Variants in CDK13 observed in about 807,000 individuals in gnomAD.
CDK13 encodes cyclin dependent kinase 13.
CDK13 carries 40 observed loss-of-function variants against 137.6 expected under a neutral mutation model. The observed-to-expected ratio is 0.29, with a 90% CI of 0.23 to 0.38. The LOEUF is 0.38. Among genes scored for constraint, CDK13 ranks in the 10% least tolerant of loss-of-function variants. The pLI is 1.00. For missense variants in CDK13, 1,704 were observed against 1,951.8 expected (o/e 0.87, Z 2.39); for synonymous variants, 869 against 760.1 (o/e 1.14, Z -2.36).
chr7:40,084,993 C>A (rs1010301404), intron 11 of CDK13, among the ~76,000 whole-genome samples: 2 of 152,172 alleles, frequency 1.3e-5, no homozygotes, highest in Non-Finnish European at 2.9e-5. Context: ...GTAACCTGTA[C>A]TATTTTAGCT....
chr7:40,006,781 C>G (rs986827038), intron 5 of CDK13, among the ~76,000 whole-genome samples: 2 of 152,114 alleles, frequency 1.3e-5, no homozygotes, highest in African/African-American at 4.8e-5. Flanking sequence ...GACTGTGTCT[C>G]AAATTATCTT....
chr7:40,017,673 T>C (rs577764412), intron 5 of CDK13, among the ~76,000 whole-genome samples: 8 of 152,068 alleles, frequency 5.3e-5, no homozygotes, highest in Non-Finnish European at 1.2e-4. Context: ...TTTATATTGC[T>C]TGCCCTTTGT....
At chr7:39,970,419 A>C (rs986717005) in intron 1 of CDK13, among the ~76,000 whole-genome samples, 5 of 151,994 alleles carry the variant, frequency 3.3e-5, no homozygotes, top group Non-Finnish European at 7.4e-5. Context: ...TGTTAACATT[A>C]TGATAGCATA....
At chr7:40,049,549 T>C (rs1242944409) in intron 7 of CDK13, among the ~76,000 whole-genome samples, 3 of 152,204 alleles carry the variant, frequency 2.0e-5, no homozygotes, top group African/African-American at 7.2e-5. Context: ...GTGAAATGGC[T>C]ACATTGAGCT....
chr7:39,965,608 C>T (rs1019885476), intron 1 of CDK13, among the ~76,000 whole-genome samples: 1 of 152,086 alleles, frequency 6.6e-6, no homozygotes, highest in Non-Finnish European at 1.5e-5. Context: ...GAGCATTTAG[C>T]CCATTTACAT....
In CDK13 at chr7:39,950,561, C is replaced by T; in HGVS notation, c.-81C>T. On this transcript the variant is annotated 5_prime_UTR_variant, in exon 1 of 14. Coordinates refer to ENST00000181839, the MANE Select transcript of CDK13 (RefSeq NM_003718.5). ...CTCGGTGTCCCTCCGCCGCCGCTCC[C>T]GTTTCCGGCGGGGGAGATGGCCAGG... 7.9e-7 allele frequency: 1 copy of T among 1,273,130 alleles called. No individual in the cohort carries two copies. Among genetic ancestry groups the T allele is most frequent in the Admixed American group, 4.2e-5 (1 of 23,812 alleles). 78.9% of individuals were successfully genotyped at this position (1,273,130 alleles called of 1,614,324 possible). A position where few individuals can be genotyped will look rare whatever the true frequency, so the allele number is the denominator to read the frequency against.
Position 40,096,325 on chromosome 7 carries a change from A to G in CDK13, c.*1345A>G, listed in dbSNP as rs756510390. The G allele has an allele frequency of 3.3e-5, 5 of 152,192 alleles. No individual in the cohort carries two copies. The highest frequency in any genetic ancestry group is 7.3e-5 in the Non-Finnish European group (5 of 68,040). 9.4% of individuals were successfully genotyped at this position (152,192 alleles called of 1,614,324 possible). On this transcript the variant is annotated 3_prime_UTR_variant, in exon 14 of 14. Coordinates refer to ENST00000181839, the MANE Select transcript of CDK13 (RefSeq NM_003718.5). ...TTATGACTTCTGCCAGACTTAGAGC[A>G]ACAACTTTAGTTCATTTTAACATTT...
rs924125177 is a variant in CDK13 at position 39,951,365 on chromosome 7, C to G, written c.724C>G (p.Arg242Gly). The change falls in exon 1 of 14, where the codon CGG becomes GGG. Residue 242 changes from arginine (R) to glycine (G), a missense_variant. This residue lies in a region of CDK13 where 1,051 missense variants were observed against 931.0 expected (regional missense o/e 1.13). Transcript: ENST00000181839. The stretch of plus-strand genomic sequence containing the variant: ...CCGCCACAGCCACAGCGGCGAGGAA[C>G]GGGCCGAGGTCGCCAAGAGCGGCAG... ...RSRHSHSGEERAEVAKSGSSS... is the reference protein window; with the variant it reads ...RSRHSHSGEEGAEVAKSGSSS... 1.6e-5 allele frequency: 24 copies of G among 1,503,062 alleles called. No homozygotes were observed. Among genetic ancestry groups the G allele is most frequent in the African/African-American group, 1.4e-5 (1 of 69,294 alleles). 93.1% of individuals were successfully genotyped at this position (1,503,062 alleles called of 1,614,324 possible). A position where few individuals can be genotyped will look rare whatever the true frequency, so the allele number is the denominator to read the frequency against.
chr7:40,087,546 GTTTTTT>G (rs35686770), intron 11 of CDK13, among the ~76,000 whole-genome samples: 1 of 112,050 alleles, frequency 8.9e-6, no homozygotes, highest in Non-Finnish European at 1.8e-5. Context: ...CAATAGTGGT[GTTTTTT>G]TTTTTTTTTT....
chr7:39,981,442 TA>T (rs1397710251), intron 1 of CDK13, among the ~76,000 whole-genome samples: 4 of 152,130 alleles, frequency 2.6e-5, no homozygotes, highest in Admixed American at 1.3e-4. Flanking sequence ...GTTCTTTTAG[TA>T]AAACATTATC....
Position 39,988,141 on chromosome 7 carries a change from A to G in CDK13, c.1754A>G (p.Lys585Arg). 1.9e-6 allele frequency: 3 copies of G among 1,614,080 alleles called. No individual in the cohort carries two copies. The highest frequency in any genetic ancestry group is 2.5e-6 in the Non-Finnish European group (3 of 1,180,012). Residue 585 changes from lysine to arginine, a missense_variant, in exon 2 of 14, where the codon AAA (lysine) becomes AGA (arginine). Lys to Arg is a conservative substitution (Grantham distance 26). Around this residue, in one of 5 missense-constraint regions of CDK13, gnomAD observed 1,051 missense variants for 931.0 expected, o/e 1.13. Transcript: ENST00000181839. ...TCAGTATCTCTTAAAGAGAAAACCA[A>G]ACCACTTACACCAAGCATAGGAGCC... ...EESVSLKEKT[K>R]PLTPSIGAKE...
intron 7 of CDK13, among the ~76,000 whole-genome samples, chr7:40,057,236 CAA>C (rs540196244): frequency 6.6e-6 from 1 of 152,064 alleles, no homozygotes; most frequent in Non-Finnish European, 1.5e-5. Flanking sequence ...GCCTAGGTGA[CAA>C]GAGCAAAACT....
intron 5 of CDK13, among the ~76,000 whole-genome samples, chr7:40,038,922 C>T (rs1428008875): frequency 6.6e-6 from 1 of 152,070 alleles, no homozygotes; most frequent in Non-Finnish European, 1.5e-5. Flanking sequence ...CTCGATCGCC[C>T]GACCTCAGGT....
At chr7:39,999,631 GTTTTTTT>G (rs1784641927) in intron 4 of CDK13, 131 bp downstream of exon 4, 1 of 901,102 alleles carries the variant, frequency 1.1e-6, no homozygotes, top group Non-Finnish European at 1.7e-6. Flanking sequence ...GTTTCATCTT[GTTTTTTT>G]ATTCTATATA....
At chr7:39,964,567 A>G (rs1448903231) in intron 1 of CDK13, among the ~76,000 whole-genome samples, 5 of 149,422 alleles carry the variant, frequency 3.3e-5, no homozygotes, top group African/African-American at 1.2e-4. Context: ...TTTTAAAAAA[A>G]CCAGCTCCTG....
chr7:39,958,105 T>C (rs1787477990), intron 1 of CDK13, among the ~76,000 whole-genome samples: 1 of 152,156 alleles, frequency 6.6e-6, no homozygotes, highest in African/African-American at 2.4e-5. Flanking sequence ...TTTTTATGTA[T>C]TTGGAAAGTA....
At chr7:39,980,191 T>G (rs965807341) in intron 1 of CDK13, among the ~76,000 whole-genome samples, 2 of 152,170 alleles carry the variant, frequency 1.3e-5, no homozygotes, top group African/African-American at 4.8e-5. Flanking sequence ...ATTAAGAGGT[T>G]GTGGTATGGG....
At position 40,098,203 on chromosome 7, in the gene CDK13, C is replaced by G. The variant is rs1000409407; in HGVS notation, c.*3223C>G. The G allele has an allele frequency of 6.6e-6, 1 of 152,008 alleles. No homozygotes were observed. Among genetic ancestry groups the G allele is most frequent in the African/African-American group, 2.4e-5 (1 of 41,414 alleles). 9.4% of individuals were successfully genotyped at this position (152,008 alleles called of 1,614,324 possible). A position where few individuals can be genotyped will look rare whatever the true frequency, so the allele number is the denominator to read the frequency against. ...AAAGTGATAAAATTTTAAGTTGAAT[C>G]TGGTCAGTTTGCAATGGCCTATTTG... is the stretch of plus-strand genomic sequence containing the variant. On this transcript the variant is annotated 3_prime_UTR_variant, in exon 14 of 14. Coordinates refer to ENST00000181839, the MANE Select transcript of CDK13 (RefSeq NM_003718.5).
intron 5 of CDK13, among the ~76,000 whole-genome samples, chr7:40,041,078 C>T (rs542926545): frequency 1.3e-5 from 2 of 152,308 alleles, no homozygotes; most frequent in African/African-American, 4.8e-5. Context: ...GTAATCCCAG[C>T]TCTTTGAGGG....
Sources: allele counts gnomAD v4.1 joint callset (sites outside exome capture counted in the v4.1 genomes callset), GRCh38; gene constraint gnomAD v4.1.1; regional missense constraint gnomAD v4.1.1; transcripts MANE v1.5; gene names NCBI Gene and HGNC (gene_info 2026-07-23, HGNC 2026-07-21).